Variants in CSMD3 observed in about 807,000 individuals in gnomAD.
CSMD3 encodes CUB and Sushi multiple domains 3.
Under a neutral mutation model 435.2 loss-of-function variants are expected in CSMD3, and 177 were observed. The ratio of observed to expected loss-of-function variants is 0.41; its 90% CI spans 0.36 to 0.46. The LOEUF (loss-of-function observed/expected upper bound fraction) is 0.46. Among genes scored for constraint, CSMD3 ranks in the 20% least tolerant of loss-of-function variants. The pLI is 0.34. For missense variants in CSMD3, 4,265 were observed against 4,504.6 expected, an observed-to-expected ratio of 0.95 and a Z score of 1.52; for synonymous variants, 1,656 against 1,520.5, an observed-to-expected ratio of 1.09 and a Z score of -2.07.
intron 1 of CSMD3, among the ~76,000 whole-genome samples, chr8:113,361,842 T>A (rs1012742375): frequency 6.6e-6 from 1 of 152,146 alleles, no homozygotes; most frequent in Admixed American, 6.5e-5. Context: ...TCATTAGCAA[T>A]AGGAAATATA....
rs933475146 is a variant in CSMD3, at chr8:112,557,118, CT to C, written c.4043-165del. On this transcript the variant is annotated intron_variant, in intron 24 of 70. Coordinates refer to ENST00000297405, the MANE Select transcript of CSMD3 (RefSeq NM_198123.2). The stretch of plus-strand genomic sequence containing the variant: ...CGTATCATACAACAACCATGCAGAC[CT>C]TTTTTTTTCTTGAAAATTAAAATGT... 4.6e-5 allele frequency among the ~76,000 whole-genome samples: 7 copies of C among 150,798 alleles called. No homozygotes were observed. The South Asian group carries it at 8.4e-4, about 18-fold the overall frequency.
At chr8:113,101,040 G>T (rs1321449213) in intron 4 of CSMD3, among the ~76,000 whole-genome samples, 1 of 152,038 alleles carries the variant, frequency 6.6e-6, no homozygotes, top group Non-Finnish European at 1.5e-5. Context: ...AGGATCAGAG[G>T]ATCTGAATCC....
At chr8:112,522,403 C>A (rs1824388477) in intron 27 of CSMD3, among the ~76,000 whole-genome samples, 1 of 151,866 alleles carries the variant, frequency 6.6e-6, no homozygotes, top group Non-Finnish European at 1.5e-5. Flanking sequence ...ACAATGCCAT[C>A]AATCTTCTTC....
intron 7 of CSMD3, among the ~76,000 whole-genome samples, chr8:112,970,587 A>G (rs938632353): frequency 1.4e-4 from 21 of 152,098 alleles, no homozygotes; most frequent in African/African-American, 4.1e-4. Context: ...TCCTTCAAAC[A>G]TAAAACAACT....
intron 17 of CSMD3, among the ~76,000 whole-genome samples, chr8:112,657,527 C>T (rs1185234416): frequency 2.0e-5 from 3 of 152,072 alleles, no homozygotes; most frequent in Non-Finnish European, 4.4e-5. Context: ...ATTTTATAAA[C>T]GTCAATCGAC....
At chr8:113,272,851 AAGG>A (rs1381661070) in intron 3 of CSMD3, among the ~76,000 whole-genome samples, 1 of 152,122 alleles carries the variant, frequency 6.6e-6, no homozygotes, top group African/African-American at 2.4e-5. Context: ...AGAGGCTGGG[AAGG>A]GTAGTGGGGA....
At chr8:112,611,903 T>C (rs896472951) in intron 22 of CSMD3, among the ~76,000 whole-genome samples, 4 of 152,160 alleles carry the variant, frequency 2.6e-5, no homozygotes, top group Non-Finnish European at 2.9e-5. Flanking sequence ...TTTTAAACCA[T>C]TGATAGATTA....
At chr8:113,320,297 T>C (rs550322800) in intron 1 of CSMD3, among the ~76,000 whole-genome samples, 75 of 152,228 alleles carry the variant, frequency 4.9e-4, no homozygotes, top group African/African-American at 1.7e-3. Flanking sequence ...ATTAACAGTG[T>C]ACTTACAGTT....
At chr8:112,273,544 T>G (rs1817725685) in intron 59 of CSMD3, among the ~76,000 whole-genome samples, 1 of 151,712 alleles carries the variant, frequency 6.6e-6, no homozygotes, top group South Asian at 2.1e-4. Flanking sequence ...GATAACACGG[T>G]GAAACCCCGT....
At chr8:113,316,343 C>G (rs1368555904) in intron 1 of CSMD3, among the ~76,000 whole-genome samples, 1 of 152,094 alleles carries the variant, frequency 6.6e-6, no homozygotes, top group African/African-American at 2.4e-5. Context: ...TGGGGCTCCT[C>G]TCTTTGAGAA....
intron 32 of CSMD3, among the ~76,000 whole-genome samples, chr8:112,444,553 C>G (rs903427565): frequency 3.3e-5 from 5 of 152,130 alleles, no homozygotes; most frequent in African/African-American, 1.2e-4. Flanking sequence ...CTGATGCACA[C>G]AATAACATGA....
At chr8:112,658,030 T>C (rs2075296110) in intron 17 of CSMD3, among the ~76,000 whole-genome samples, 1 of 152,184 alleles carries the variant, frequency 6.6e-6, no homozygotes, top group African/African-American at 2.4e-5. Flanking sequence ...TATTTTACAG[T>C]TAAAAATGTC....
chr8:113,098,864 G>C lies in CSMD3; in HGVS notation c.809C>G (p.Thr270Ser), dbSNP rs183553021. Residue 270 changes from threonine to serine, a missense_variant, in exon 5 of 71, where the codon ACC (threonine) becomes AGC (serine). Coordinates refer to ENST00000297405, the MANE Select transcript of CSMD3 (RefSeq NM_198123.2). ...EYHNNADCTW[T>S]IVAEPGDTIS... ...TGTGTCCCCAGGCTCTGCTACAATG[G>C]TCCAAGTGCAATCAGCATTGTTATG... 2 of 1,610,946 alleles carry C rather than the reference G, an allele frequency of 1.2e-6. No individual in the cohort carries two copies. Among genetic ancestry groups the C allele is most frequent in the South Asian group, 1.1e-5 (1 of 91,010 alleles).
chr8:112,310,192 T>C (rs1370836406), intron 50 of CSMD3: 1 of 152,310 alleles, frequency 6.6e-6, no homozygotes, highest in Non-Finnish European at 1.5e-5. Context: ...TCAACTACTA[T>C]TTAAAACAAG....
chr8:112,916,792 C>G (rs1362180673), intron 10 of CSMD3, among the ~76,000 whole-genome samples: 3 of 151,866 alleles, frequency 2.0e-5, no homozygotes, highest in African/African-American at 7.2e-5. Flanking sequence ...CTGTTGGTTA[C>G]AATTAATTAA....
chr8:113,375,094 G>A (rs1245104727), intron 1 of CSMD3, among the ~76,000 whole-genome samples: 1 of 152,018 alleles, frequency 6.6e-6, no homozygotes, highest in East Asian at 1.9e-4. Flanking sequence ...ATTTCTCTAT[G>A]GCTTTTCCTC....
rs1400119163 is a variant in CSMD3 at position 112,970,998 on chromosome 8, G to A, written c.1342+4839C>T. On this transcript the variant is annotated intron_variant, in intron 7 of 70. Coordinates refer to ENST00000297405, the MANE Select transcript of CSMD3 (RefSeq NM_198123.2). ...GGCCTCCCAAAGTGCTGGGATGACA[G>A]GCGTGGGCCACCACGCCTGGCCTCA... Among the ~76,000 whole-genome samples, 5 of 152,088 alleles carry A rather than the reference G, an allele frequency of 3.3e-5. No homozygotes were observed. In the East Asian group the frequency reaches 7.7e-4, roughly 23 times the overall value.
At chr8:113,092,345 G>A (rs2090033554) in intron 5 of CSMD3, among the ~76,000 whole-genome samples, 1 of 151,988 alleles carries the variant, frequency 6.6e-6, no homozygotes. Context: ...ATACTAGTGA[G>A]TATTCATTAT....
chr8:113,130,009 A>T (rs1039506621), intron 4 of CSMD3, among the ~76,000 whole-genome samples: 8 of 151,958 alleles, frequency 5.3e-5, no homozygotes, highest in Admixed American at 5.3e-4. Context: ...TATAATGAAT[A>T]ATACTATCAT....
Sources: gnomAD v4.1 joint callset for allele counts (sites outside exome capture counted in the v4.1 genomes callset) on GRCh38, gnomAD v4.1.1 for gene constraint, MANE v1.5 for transcripts, NCBI Gene and HGNC (gene_info 2026-07-23, HGNC 2026-07-21) for gene names.